Variants in CHL1 observed in about 807,000 individuals in gnomAD.
The protein encoded by CHL1 is cell adhesion molecule L1 like.
In CHL1, 96 loss-of-function variants were observed where a neutral mutation model predicts 141.9. The observed-to-expected ratio is 0.68, with a 90% CI of 0.57 to 0.80. The LOEUF (loss-of-function observed/expected upper bound fraction) is 0.80. CHL1 is among the 30% of genes least tolerant of loss of function. The pLI, the probability that CHL1 is intolerant of heterozygous loss-of-function variation, is 0.00. For missense variants in CHL1, 1,820 were observed against 1,457.2 expected (o/e 1.25, Z -4.05); for synonymous variants, 613 against 502.2 (o/e 1.22, Z -2.95).
chr3:240,597 A>G (rs897227418), intron 1 of CHL1, among the ~76,000 whole-genome samples: 1 of 152,236 alleles, frequency 6.6e-6, no homozygotes. Context: ...GAAGCTCTTT[A>G]ATTAAGTCCC....
rs1469725537 is a variant in CHL1 at position 337,252 on chromosome 3, A to T, written c.386-3542A>T. On this transcript the variant is annotated intron_variant, in intron 5 of 27. Transcript: ENST00000256509. Reference sequence around the variant, plus strand: ...GTCGCCCAGGCTGGAGGGCAGTGGCACAATCTCTGCTCACTGCAAGCTCCG... The same window carrying T: ...GTCGCCCAGGCTGGAGGGCAGTGGCTCAATCTCTGCTCACTGCAAGCTCCG... 1.1e-4 allele frequency among the ~76,000 whole-genome samples: 16 copies of T among 144,884 alleles called. No individual in the cohort carries two copies. The Admixed American group carries it at 1.2e-3, about 10-fold the overall frequency.
At chr3:237,045 T>C (rs185242814) in intron 1 of CHL1, among the ~76,000 whole-genome samples, 45 of 152,322 alleles carry the variant, frequency 3.0e-4, no homozygotes, top group Middle Eastern at 3.4e-3. Context: ...TGCCTTGGAA[T>C]GTTCTTTGCT....
rs374727152 is a variant in CHL1 at position 301,689 on chromosome 3, T to C, written c.-94-17994T>C. 3.3e-4 allele frequency among the ~76,000 whole-genome samples: 50 copies of C among 152,356 alleles called. 1 individual carries two copies. In the South Asian group the frequency reaches 9.1e-3, roughly 28 times the overall value. On this transcript the variant is annotated intron_variant, in intron 2 of 27. Transcript: ENST00000256509. ...CGGCATTGCCATATAGTAGTTACATTGTGCAATTACTACATGGAAATTACT... is the reference window on the plus strand; with the variant it reads ...CGGCATTGCCATATAGTAGTTACATCGTGCAATTACTACATGGAAATTACT...
intron 2 of CHL1, among the ~76,000 whole-genome samples, chr3:304,773 C>A (rs186136680): frequency 6.4e-4 from 98 of 152,228 alleles, no homozygotes; most frequent in Admixed American, 1.9e-3. Context: ...TATTTCATGT[C>A]TTTTGCTAGC....
intron 3 of CHL1, among the ~76,000 whole-genome samples, chr3:324,261 A>G (rs1245431903): frequency 2.0e-5 from 3 of 152,068 alleles, no homozygotes; most frequent in African/African-American, 4.8e-5. Context: ...TCTACTGTGG[A>G]ATAGTACTTA....
intron 2 of CHL1, among the ~76,000 whole-genome samples, chr3:294,128 G>T (rs951775611): frequency 6.6e-6 from 1 of 151,852 alleles, no homozygotes; most frequent in African/African-American, 2.4e-5. Context: ...AGACCAGACT[G>T]GGCAACATGA....
At chr3:253,022 T>A (rs1178905425) in intron 2 of CHL1, among the ~76,000 whole-genome samples, 1 of 152,142 alleles carries the variant, frequency 6.6e-6, no homozygotes, top group Non-Finnish European at 1.5e-5. Flanking sequence ...AGAGGTGATT[T>A]AAGTGGGCTT....
At chr3:259,791 G>A (rs1319196355) in intron 2 of CHL1, among the ~76,000 whole-genome samples, 2 of 152,144 alleles carry the variant, frequency 1.3e-5, no homozygotes, top group Non-Finnish European at 2.9e-5. Flanking sequence ...AACTTGGGAT[G>A]TGATTGCATA....
intron 2 of CHL1, among the ~76,000 whole-genome samples, chr3:291,662 C>G (rs1697706899): frequency 2.6e-5 from 4 of 152,088 alleles, no homozygotes; most frequent in Admixed American, 2.0e-4. Flanking sequence ...CTATTACTCT[C>G]CAAATAAGAG....
At chr3:237,187 GT>G (rs1363693238) in intron 1 of CHL1, among the ~76,000 whole-genome samples, 1 of 152,128 alleles carries the variant, frequency 6.6e-6, no homozygotes, top group Non-Finnish European at 1.5e-5. Context: ...TATGGGGGTG[GT>G]TTCCCCCATG....
At position 349,470 on chromosome 3, in the gene CHL1, C is replaced by G. The variant is rs200805346; in HGVS notation, c.960C>G (p.Asp320Glu). 10 of 1,613,904 alleles carry G rather than the reference C, an allele frequency of 6.2e-6. No individual in the cohort carries two copies. Among genetic ancestry groups the G allele is most frequent in the South Asian group, 4.4e-5 (4 of 91,084 alleles). Residue 320 changes from aspartate to glutamate, a missense_variant, in exon 10 of 28, where the codon GAC (aspartate) becomes GAG (glutamate). Physicochemically the swap from Asp to Glu is conservative, Grantham distance 45 (BLOSUM62 2). Coordinates refer to ENST00000256509, the MANE Select transcript of CHL1 (RefSeq NM_006614.4). ...AGATAGAGAATGTCTCCTACCAGGA[C>G]AAAGGAAATTATCGCTGCACAGCCA... The part of the protein sequence containing the change: ...TLKIENVSYQ[D>E]KGNYRCTASN...
chr3:271,563 A>G (rs1695638743), intron 2 of CHL1, among the ~76,000 whole-genome samples: 1 of 152,248 alleles, frequency 6.6e-6, no homozygotes, highest in Admixed American at 6.5e-5. Context: ...ATAATGAAGA[A>G]GATTTGTATA....
intron 1 of CHL1, among the ~76,000 whole-genome samples, chr3:234,399 C>T (rs73815948): frequency 0.012 from 1,754 of 152,132 alleles, 33 homozygotes; most frequent in African/African-American, 0.04. Context: ...GGTGAAACTA[C>T]TTGAAAATTA....
chr3:337,620 G>A (rs1702007137), intron 5 of CHL1, among the ~76,000 whole-genome samples: 1 of 150,070 alleles, frequency 6.7e-6, no homozygotes, highest in Admixed American at 6.7e-5. Flanking sequence ...TGCAATGTTT[G>A]GTTTTTTGTC....
chr3:227,929 T>C (rs1317335662), intron 1 of CHL1, among the ~76,000 whole-genome samples: 2 of 152,238 alleles, frequency 1.3e-5, no homozygotes, highest in Admixed American at 1.3e-4. Context: ...GTCTTTTTCC[T>C]TGTGCTTCTT....
chr3:326,762 A>T (rs1418954727), intron 4 of CHL1, among the ~76,000 whole-genome samples: 1 of 151,922 alleles, frequency 6.6e-6, no homozygotes, highest in Non-Finnish European at 1.5e-5. Flanking sequence ...ATGGAAAGCA[A>T]AGCTACATAC....
At chr3:382,323 C>A in intron 17 of CHL1, 43 bp downstream of exon 17, 20 of 1,550,168 alleles carry the variant, frequency 1.3e-5, no homozygotes, top group Non-Finnish European at 1.7e-5. Context: ...TCTAGATAGT[C>A]AAAATTAATA....
intron 2 of CHL1, among the ~76,000 whole-genome samples, chr3:253,928 G>A (rs1299039042): frequency 1.3e-5 from 2 of 152,186 alleles, no homozygotes; most frequent in Admixed American, 1.3e-4. Flanking sequence ...AACTTACACT[G>A]AGCTAGCCAT....
chr3:206,288 T>G (rs1161531536), intron 1 of CHL1, among the ~76,000 whole-genome samples: 1 of 152,030 alleles, frequency 6.6e-6, no homozygotes, highest in Non-Finnish European at 1.5e-5. Context: ...GCCAACATGG[T>G]GAAACTTCGT....
Sources: allele counts gnomAD v4.1 joint callset (sites outside exome capture counted in the v4.1 genomes callset), GRCh38; gene constraint gnomAD v4.1.1; transcripts MANE v1.5; gene names NCBI Gene and HGNC (gene_info 2026-07-23, HGNC 2026-07-21).